The following PTPRD variants were observed in gnomAD, a reference collection of about 807,000 sequenced individuals.
The protein encoded by PTPRD is protein tyrosine phosphatase receptor type D.
In PTPRD, 34 loss-of-function variants were observed where a neutral mutation model predicts 214.5. The ratio of observed to expected loss-of-function variants is 0.16; its 90% confidence interval spans 0.12 to 0.21. The LOEUF is 0.21. PTPRD is among the 10% of genes least tolerant of loss of function. The pLI is 1.00. For missense variants in PTPRD, 2,545 were observed against 2,398.7 expected (o/e 1.06, Z -1.27); for synonymous variants, 1,128 against 845.7 (o/e 1.33, Z -5.79).
chr9:8,592,487 T>C (rs935604104), intron 14 of PTPRD, among the ~76,000 whole-genome samples: 1 of 152,176 alleles, frequency 6.6e-6, no homozygotes, highest in Non-Finnish European at 1.5e-5. Context: ...CACAGCTCTT[T>C]ACTTGCAGAG....
chr9:8,381,610 T>C (rs182277117), intron 37 of PTPRD, among the ~76,000 whole-genome samples: 1 of 152,304 alleles, frequency 6.6e-6, no homozygotes, highest in East Asian at 1.9e-4. Context: ...ATGAGAGTGA[T>C]ATTAAAGCAT....
At chr9:8,424,200 G>A (rs919344921) in intron 35 of PTPRD, among the ~76,000 whole-genome samples, 2 of 151,966 alleles carry the variant, frequency 1.3e-5, no homozygotes, top group Admixed American at 6.6e-5. Context: ...TCCTTCCTTG[G>A]GGTCACCTGA....
rs145874162 is a variant in PTPRD at position 9,542,388 on chromosome 9, C to G, written c.-237+32344G>C. Among the ~76,000 whole-genome samples, 58 of 151,530 alleles carry G rather than the reference C, an allele frequency of 3.8e-4. 1 individual carries two copies. The South Asian group carries it at 7.3e-3, about 19-fold the overall frequency. The stretch of plus-strand genomic sequence containing the variant: ...GAATATCTTCAAGCTTTGAAGGAGT[C>G]CAATATTTCTTATACAGGACACAAA... On this transcript the variant is annotated intron_variant, in intron 8 of 45. Coordinates refer to ENST00000381196, the MANE Select transcript of PTPRD (RefSeq NM_002839.4).
At chr9:10,393,685 G>C (rs1409389557) in intron 2 of PTPRD, among the ~76,000 whole-genome samples, 1 of 145,150 alleles carries the variant, frequency 6.9e-6, no homozygotes, top group Admixed American at 7.0e-5. Flanking sequence ...ATTGGGTCTT[G>C]CTATATATAT....
chr9:9,986,848 G>C (rs2095730077), intron 4 of PTPRD, among the ~76,000 whole-genome samples: 1 of 152,000 alleles, frequency 6.6e-6, no homozygotes, highest in African/African-American at 2.4e-5. Flanking sequence ...TGGGCATATA[G>C]TTAACTGTAC....
At chr9:9,616,292 G>A (rs973618627) in intron 7 of PTPRD, among the ~76,000 whole-genome samples, 11 of 152,010 alleles carry the variant, frequency 7.2e-5, no homozygotes, top group Admixed American at 5.9e-4. Context: ...CCTAAAATTC[G>A]AATTTAACTC....
chr9:10,430,443 T>C (rs993762585), intron 2 of PTPRD, among the ~76,000 whole-genome samples: 1 of 151,924 alleles, frequency 6.6e-6, no homozygotes, highest in Non-Finnish European at 1.5e-5. Flanking sequence ...TACGTATGTA[T>C]GTATATAATG....
intron 11 of PTPRD, among the ~76,000 whole-genome samples, chr9:8,924,446 G>A (rs893581527): frequency 1.3e-5 from 2 of 152,168 alleles, no homozygotes; most frequent in African/African-American, 4.8e-5. Context: ...ACTCTTAGGT[G>A]CTCTTGGCAT....
At chr9:9,750,268 A>G (rs1173435053) in intron 6 of PTPRD, among the ~76,000 whole-genome samples, 1 of 152,178 alleles carries the variant, frequency 6.6e-6, no homozygotes, top group East Asian at 1.9e-4. Flanking sequence ...AAATAAAATA[A>G]TGTGAATGGC....
chr9:8,915,552 T>C (rs935048399), intron 11 of PTPRD, among the ~76,000 whole-genome samples: 4 of 152,172 alleles, frequency 2.6e-5, no homozygotes, highest in Admixed American at 2.0e-4. Flanking sequence ...CACACACACA[T>C]ATATGTGCAT....
rs565616253 is a variant in PTPRD at position 8,892,635 on chromosome 9, G to GTA, written c.-104+126060_-104+126061dup. Among the ~76,000 whole-genome samples, 311 of 147,246 alleles carry GTA rather than the reference G, an allele frequency of 2.1e-3. 2 individuals carry two copies. The highest frequency in any genetic ancestry group is 7.4e-3 in the African/African-American group (296 of 39,874). ...TATATATATGTGTATATATATGTGT[G>GTA]TATATATATGTGTATATATATGAGT... On this transcript the variant is annotated intron_variant, in intron 11 of 45. Transcript: ENST00000381196.
intron 2 of PTPRD, among the ~76,000 whole-genome samples, chr9:10,534,975 T>C (rs1025585286): frequency 3.3e-5 from 5 of 152,178 alleles, no homozygotes; most frequent in African/African-American, 1.2e-4. Flanking sequence ...ATGTAGGCAG[T>C]CAGCCTTTTA....
intron 2 of PTPRD, among the ~76,000 whole-genome samples, chr9:10,438,015 A>ATG (rs1300957016): frequency 7.3e-6 from 1 of 136,258 alleles, no homozygotes; most frequent in Non-Finnish European, 1.5e-5. Context: ...CTACATATAT[A>ATG]TATATATATA....
chr9:8,400,521 A>C (rs1347696301), intron 36 of PTPRD, among the ~76,000 whole-genome samples: 3 of 152,216 alleles, frequency 2.0e-5, no homozygotes, highest in Non-Finnish European at 4.4e-5. Context: ...CCTAATATTT[A>C]TGTTATCCAT....
At position 9,740,378 on chromosome 9, in the gene PTPRD, G is replaced by C. The variant is rs1207888835; in HGVS notation, c.-325-5807C>G. Among the ~76,000 whole-genome samples, 15 of 143,400 alleles carry C rather than the reference G, an allele frequency of 1.0e-4. No individual in the cohort carries two copies. In the East Asian group the frequency reaches 2.8e-3, roughly 26 times the overall value. The allele number at this position is 143,400 out of a possible 152,430, so 94.1% of individuals were successfully genotyped here. On this transcript the variant is annotated intron_variant, in intron 6 of 45. Transcript: ENST00000381196. ...AAACTACTATTTTTTTTTTTTTGGA[G>C]ATGGAGTCTCGCTCTGTCGCCCAGG...
chr9:9,026,438 G>T (rs959148074), intron 10 of PTPRD, among the ~76,000 whole-genome samples: 1 of 151,926 alleles, frequency 6.6e-6, no homozygotes, highest in Non-Finnish European at 1.5e-5. Flanking sequence ...TAATGAGGAA[G>T]ACAATAAAGA....
chr9:9,488,721 T>C (rs987095931), intron 8 of PTPRD, among the ~76,000 whole-genome samples: 1 of 152,134 alleles, frequency 6.6e-6, no homozygotes, highest in African/African-American at 2.4e-5. Context: ...TATTTAAGGC[T>C]TGCAACTTCC....
chr9:8,903,551 A>G (rs966924251), intron 11 of PTPRD, among the ~76,000 whole-genome samples: 4 of 152,222 alleles, frequency 2.6e-5, no homozygotes, highest in African/African-American at 9.6e-5. Context: ...AATTTTCAAC[A>G]ACAAGGATGA....
At chr9:10,141,066 T>C (rs987412285) in intron 3 of PTPRD, among the ~76,000 whole-genome samples, 5 of 151,696 alleles carry the variant, frequency 3.3e-5, no homozygotes, top group Non-Finnish European at 7.4e-5. Context: ...ATGCTAAAAA[T>C]TCTCAATAAA....
Sources: allele counts gnomAD v4.1 joint callset (sites outside exome capture counted in the v4.1 genomes callset), GRCh38; gene constraint gnomAD v4.1.1; transcripts MANE v1.5; gene names NCBI Gene and HGNC (gene_info 2026-07-23, HGNC 2026-07-21).